Variants in SYT1 observed in about 807,000 individuals in gnomAD.
The protein encoded by SYT1 is synaptotagmin 1.
A neutral mutation model predicts 44.8 loss-of-function variants in SYT1; 8 were observed. That is an observed-to-expected ratio of 0.18 (90% CI 0.10 to 0.32). SYT1 has a LOEUF of 0.32. Among genes scored for constraint, SYT1 ranks in the 10% least tolerant of loss-of-function variants. SYT1 has a pLI of 1.00. For missense variants in SYT1, 286 were observed against 509.3 expected (o/e 0.56, Z 4.22); for synonymous variants, 154 against 188.8 (o/e 0.82, Z 1.51).
At chr12:79,399,764 A>G (rs1885007205) in intron 9 of SYT1, among the ~76,000 whole-genome samples, 1 of 152,208 alleles carries the variant, frequency 6.6e-6, no homozygotes, top group South Asian at 2.1e-4. Context: ...CCACTCCCAG[A>G]TGTCTGGGTG....
At chr12:79,425,842 A>G (rs1869412826) in intron 9 of SYT1, among the ~76,000 whole-genome samples, 1 of 152,100 alleles carries the variant, frequency 6.6e-6, no homozygotes, top group African/African-American at 2.4e-5. Flanking sequence ...CACTAATAAT[A>G]CTTATTGGCG....
intron 1 of SYT1, among the ~76,000 whole-genome samples, chr12:78,913,124 C>T (rs1876438084): frequency 6.6e-6 from 1 of 151,664 alleles, no homozygotes; most frequent in Non-Finnish European, 1.5e-5. Context: ...ATGAAGAAGG[C>T]TTATTTTTAA....
At chr12:79,274,258 A>G (rs1878591641) in intron 4 of SYT1, among the ~76,000 whole-genome samples, 1 of 152,174 alleles carries the variant, frequency 6.6e-6, no homozygotes, top group Non-Finnish European at 1.5e-5. Context: ...GTGTGGCCTG[A>G]GAGCCATTGT....
chr12:79,364,137 T>G (rs1410639922), intron 9 of SYT1, among the ~76,000 whole-genome samples: 1 of 152,186 alleles, frequency 6.6e-6, no homozygotes, highest in Admixed American at 6.5e-5. Flanking sequence ...TATCGGCTCA[T>G]AAATAAAAAC....
chr12:79,414,841 C>CAG (rs1170220755), intron 9 of SYT1, among the ~76,000 whole-genome samples: 2 of 152,042 alleles, frequency 1.3e-5, no homozygotes, highest in Middle Eastern at 3.2e-3. Flanking sequence ...CTGTCCCTGC[C>CAG]AGATGTAAAG....
At chr12:78,875,042 G>T (rs190418673) in intron 1 of SYT1, among the ~76,000 whole-genome samples, 1 of 151,578 alleles carries the variant, frequency 6.6e-6, no homozygotes, top group African/African-American at 2.4e-5. Context: ...AGCCACTTGC[G>T]TGTAAATGAG....
At chr12:79,278,495 C>A (rs2138800366) in intron 4 of SYT1, among the ~76,000 whole-genome samples, 1 of 152,140 alleles carries the variant, frequency 6.6e-6, no homozygotes, top group East Asian at 1.9e-4. Flanking sequence ...GTATCAAAAT[C>A]TCTGGGATAC....
intron 8 of SYT1, among the ~76,000 whole-genome samples, chr12:79,326,859 G>T (rs1173920086): frequency 6.6e-6 from 1 of 152,158 alleles, no homozygotes; most frequent in African/African-American, 2.4e-5. Context: ...ACAGTTAAAA[G>T]ATACAGGTTG....
intron 3 of SYT1, among the ~76,000 whole-genome samples, chr12:79,078,720 T>G (rs1373115971): frequency 6.6e-6 from 1 of 152,062 alleles, no homozygotes; most frequent in Non-Finnish European, 1.5e-5. Flanking sequence ...AAGGCCCCAG[T>G]GTGTGTTGTT....
intron 1 of SYT1, among the ~76,000 whole-genome samples, chr12:78,871,810 G>A (rs994216096): frequency 6.6e-6 from 1 of 151,736 alleles, no homozygotes; most frequent in South Asian, 2.1e-4. Flanking sequence ...CATCAGATTT[G>A]AAGACTGAAT....
intron 4 of SYT1, among the ~76,000 whole-genome samples, chr12:79,271,137 A>G (rs1345351082): frequency 1.3e-5 from 2 of 152,158 alleles, no homozygotes; most frequent in African/African-American, 4.8e-5. Context: ...TAAAATGTAT[A>G]CTCTGCAACA....
intron 9 of SYT1, among the ~76,000 whole-genome samples, chr12:79,386,468 A>G (rs998320303): frequency 2.6e-5 from 4 of 151,874 alleles, no homozygotes; most frequent in African/African-American, 4.8e-5. Flanking sequence ...CATCATCTAC[A>G]TTAGGTATTT....
chr12:79,429,699 T>G (rs989054656), intron 9 of SYT1, among the ~76,000 whole-genome samples: 13 of 152,154 alleles, frequency 8.5e-5, no homozygotes, highest in Non-Finnish European at 1.6e-4. Flanking sequence ...CTGCTAATTT[T>G]TTTGTACTTT....
intron 2 of SYT1, among the ~76,000 whole-genome samples, chr12:79,001,925 G>A (rs1870766182): frequency 6.6e-6 from 1 of 151,894 alleles, no homozygotes; most frequent in African/African-American, 2.4e-5. Flanking sequence ...GCTAAAAAGA[G>A]TACATGGATT....
At position 79,068,871 on chromosome 12, in the gene SYT1, C is replaced by A. The variant is rs888828645; in HGVS notation, c.-18+21509C>A. ...GGGAAAAATTTTGATATTTCTTTAA[C>A]TTCCTTCTCATTTCTTCCTAATGTC... On this transcript the variant is annotated intron_variant, in intron 3 of 10. Transcript: ENST00000261205. Among the ~76,000 whole-genome samples, 6 of 152,220 alleles carry A rather than the reference C, an allele frequency of 3.9e-5. No homozygotes were observed. In the South Asian group the frequency reaches 1.2e-3, roughly 32 times the overall value.
chr12:79,355,703 G>A (rs1272498646), intron 9 of SYT1, among the ~76,000 whole-genome samples: 3 of 152,082 alleles, frequency 2.0e-5, no homozygotes, highest in Non-Finnish European at 4.4e-5. Flanking sequence ...ACTTGCTTAG[G>A]TCGTTTCCTT....
intron 4 of SYT1, among the ~76,000 whole-genome samples, chr12:79,272,021 A>G (rs1262547717): frequency 6.6e-6 from 1 of 152,218 alleles, no homozygotes; most frequent in Non-Finnish European, 1.5e-5. Context: ...ATTTTAACAG[A>G]TGTATCCGAT....
chr12:79,197,600 G>T (rs1008255645), intron 3 of SYT1, among the ~76,000 whole-genome samples: 1 of 152,160 alleles, frequency 6.6e-6, no homozygotes, highest in South Asian at 2.1e-4. Context: ...CAAAATATAG[G>T]AACAAGTTTA....
intron 1 of SYT1, among the ~76,000 whole-genome samples, chr12:78,946,646 C>T (rs1219053912): frequency 6.6e-6 from 1 of 151,322 alleles, no homozygotes; most frequent in Non-Finnish European, 1.5e-5. Flanking sequence ...AAGATCGTGC[C>T]ACTGCACTTC....
Sources: gnomAD v4.1 joint callset for allele counts (sites outside exome capture counted in the v4.1 genomes callset) on GRCh38, gnomAD v4.1.1 for gene constraint, MANE v1.5 for transcripts, NCBI Gene and HGNC (gene_info 2026-07-23, HGNC 2026-07-21) for gene names.